TTC6: variants seen among roughly 807,000 people sequenced by gnomAD.
The protein encoded by TTC6 is tetratricopeptide repeat domain 6.
A neutral mutation model predicts 210.4 loss-of-function variants in TTC6; 172 were observed. That is an observed-to-expected ratio of 0.82 (90% CI 0.72 to 0.93). TTC6 has a LOEUF of 0.93. Among genes scored for constraint, TTC6 ranks in the 40% least tolerant of loss-of-function variants. TTC6 has a pLI of 0.00. For missense variants in TTC6, 2,414 were observed against 2,318.1 expected (o/e 1.04, Z -0.85); for synonymous variants, 804 against 819.6 (o/e 0.98, Z 0.32).
At chr14:37,632,916 A>G (rs1490225302) in intron 1 of TTC6, among the ~76,000 whole-genome samples, 1 of 152,178 alleles carries the variant, frequency 6.6e-6, no homozygotes, top group African/African-American at 2.4e-5. Flanking sequence ...CAGTGAAGGG[A>G]AAAACTCCTA....
rs1040648382 is a variant in TTC6 at position 37,750,635 on chromosome 14, C to T, written c.2957-418C>T. On this transcript the variant is annotated intron_variant, in intron 12 of 30. Coordinates refer to ENST00000553443, the Ensembl canonical transcript of TTC6. ...GGCACAGTGGCTTACGCCTGTAATC[C>T]CAGCACTTTGGGAGGCTGAGGTGGG... 2.7e-4 allele frequency among the ~76,000 whole-genome samples: 41 copies of T among 152,050 alleles called. 1 individual carries two copies. Among genetic ancestry groups the T allele is most frequent in the African/African-American group, 7.2e-5 (3 of 41,388 alleles).
intron 6 of TTC6, among the ~76,000 whole-genome samples, chr14:37,720,807 A>G (rs1375106187): frequency 2.0e-5 from 3 of 152,182 alleles, no homozygotes; most frequent in Admixed American, 6.5e-5. Flanking sequence ...AAAGAATAGA[A>G]TAGTGGTTTC....
chr14:37,672,432 C>T (rs2095760102), intron 1 of TTC6, among the ~76,000 whole-genome samples: 1 of 152,012 alleles, frequency 6.6e-6, no homozygotes. Flanking sequence ...CTGTTGTTTT[C>T]ATCTCTCTAA....
rs2139234047 is a variant in TTC6 at position 37,606,643 on chromosome 14, C to T, written c.-234-20C>T. On this transcript the variant is annotated intron_variant, in intron 1 of 2. Coordinates refer to the TTC6 transcript ENST00000556845. ...TCTTGTTAGTTCCCTTTAATCCCAC[C>T]TTCAAATTTTTTTCCCTAGGAAAAC... 1 of 825,852 alleles carries T rather than the reference C, an allele frequency of 1.2e-6. No homozygotes were observed. Among genetic ancestry groups the T allele is most frequent in the South Asian group, 5.5e-5 (1 of 18,092 alleles). 51.2% of individuals were successfully genotyped at this position (825,852 alleles called of 1,614,324 possible).
exon 29 of TTC6, chr14:37,827,351 C>T (rs2096174512): frequency 2.5e-6 from 4 of 1,612,228 alleles, no homozygotes; most frequent in African/African-American, 1.3e-5. Context: ...ACTTTCACCA[C>T]AGGCAGTTTT....
intron 10 of TTC6, among the ~76,000 whole-genome samples, chr14:37,748,015 G>A (rs771484033): frequency 2.4e-4 from 37 of 152,152 alleles, no homozygotes; most frequent in Non-Finnish European, 5.0e-4. Context: ...GCTCCTGGAG[G>A]AGTGATGTGA....
intron 13 of TTC6, among the ~76,000 whole-genome samples, chr14:37,751,533 C>T (rs949509652): frequency 2.6e-5 from 4 of 152,054 alleles, no homozygotes; most frequent in Admixed American, 6.6e-5. Flanking sequence ...TTAAAGAAGC[C>T]TTTGAAAATT....
chr14:37,681,285 T>C (rs1415524237), intron 2 of TTC6, among the ~76,000 whole-genome samples: 1 of 152,148 alleles, frequency 6.6e-6, no homozygotes. Context: ...GAAAGTACAA[T>C]ATCAGTTAGG....
intron 20 of TTC6, chr14:37,802,002 C>T (rs2096107767): frequency 6.6e-6 from 1 of 152,146 alleles, no homozygotes; most frequent in Admixed American, 6.5e-5. Flanking sequence ...CTCAAATGCC[C>T]ATCAATGATA....
intron 18 of TTC6, among the ~76,000 whole-genome samples, chr14:37,795,751 A>C (rs17107115): frequency 2.6e-5 from 4 of 151,988 alleles, no homozygotes; most frequent in Non-Finnish European, 4.4e-5. Context: ...AAGAAGTGAC[A>C]TACTGAATTG....
chr14:37,804,637 A>G lies in TTC6; in HGVS notation c.4030-43A>G, dbSNP rs757124253. 16 of 1,598,048 alleles carry G rather than the reference A, an allele frequency of 1.0e-5. No individual in the cohort carries two copies. In the Admixed American group the frequency reaches 2.4e-4, roughly 24 times the overall value. On this transcript the variant is annotated intron_variant, in intron 20 of 30. Transcript: ENST00000553443. ...GCTGTAACGTTAAATCAATAGTGGA[A>G]AGAAACATTTCTTGCCCCCTCCCTG... is the stretch of plus-strand genomic sequence containing the variant.
intron 5 of TTC6, among the ~76,000 whole-genome samples, chr14:37,708,650 G>A (rs1031990297): frequency 6.6e-6 from 1 of 152,018 alleles, no homozygotes. Context: ...CCTAATCTAG[G>A]AAGAATGTGA....
At chr14:37,823,683 A>G (rs1044880750) in intron 26 of TTC6, 64 bp from the exon 29 acceptor site, 21 of 1,421,122 alleles carry the variant, frequency 1.5e-5, no homozygotes, top group Non-Finnish European at 2.1e-5. Flanking sequence ...ATAGGAAAAC[A>G]TTGTATATGT....
At chr14:37,789,833 A>G (rs1370794363) in intron 15 of TTC6, among the ~76,000 whole-genome samples, 1 of 151,996 alleles carries the variant, frequency 6.6e-6, no homozygotes, top group African/African-American at 2.4e-5. Flanking sequence ...GACACTGGCT[A>G]TAGTTCCCTA....
chr14:37,656,821 T>A (rs1273114034), intron 1 of TTC6, among the ~76,000 whole-genome samples: 1 of 152,142 alleles, frequency 6.6e-6, no homozygotes, highest in Non-Finnish European at 1.5e-5. Flanking sequence ...AGGCGAGAAG[T>A]ACCTTCTTGA....
rs573516185 is a variant in TTC6, at chr14:37,740,050, G to C, written c.2363+895G>C. ...GTGATGGTGGGCACCTGTAGTCCCA[G>C]CTGTTCGGGAGGCTGAGGCAGGAGA... On this transcript the variant is annotated intron_variant, in intron 10 of 30. Coordinates refer to ENST00000553443, the Ensembl canonical transcript of TTC6. Among the ~76,000 whole-genome samples the C allele has an allele frequency of 1.3e-4, 19 of 151,712 alleles. No homozygotes were observed. In the South Asian group the frequency reaches 2.5e-3, roughly 20 times the overall value.
chr14:37,761,959 C>T (rs1318988315), intron 14 of TTC6, among the ~76,000 whole-genome samples: 1 of 152,118 alleles, frequency 6.6e-6, no homozygotes, highest in Non-Finnish European at 1.5e-5. Flanking sequence ...ACATTGTACT[C>T]TTTGACCAAC....
chr14:37,815,623 C>G (rs1043759505), intron 25 of TTC6, among the ~76,000 whole-genome samples: 2 of 151,824 alleles, frequency 1.3e-5, no homozygotes, highest in East Asian at 3.9e-4. Context: ...CCAGGGGTCC[C>G]CAACCCCTGG....
chr14:37,737,176 C>G (rs1055206704), intron 8 of TTC6, among the ~76,000 whole-genome samples: 1 of 152,088 alleles, frequency 6.6e-6, no homozygotes, highest in Non-Finnish European at 1.5e-5. Flanking sequence ...TATAATAACA[C>G]CAGTCTGGGT....
Sources: allele counts gnomAD v4.1 joint callset (sites outside exome capture counted in the v4.1 genomes callset), GRCh38; gene constraint gnomAD v4.1.1; transcripts MANE v1.5; gene names NCBI Gene and HGNC (gene_info 2026-07-23, HGNC 2026-07-21).